Variants in PLA2G5 observed in about 807,000 individuals in gnomAD.
PLA2G5 encodes phospholipase A2 group V.
A neutral mutation model predicts 15.9 loss-of-function variants in PLA2G5; 12 were observed. The observed-to-expected ratio is 0.76, with a 90% CI of 0.48 to 1.23. The LOEUF (loss-of-function observed/expected upper bound fraction) is 1.23. Ranked by LOEUF, PLA2G5 falls within the 50% of genes most tolerant of loss-of-function variation. The pLI is 0.00. For synonymous variants in PLA2G5, 71 were observed against 71.4 expected (o/e 0.99, Z 0.03); for missense variants, 169 against 177.1 (o/e 0.95, Z 0.26).
upstream of PLA2G5, chr1:20,068,851 CCAAT>C (rs565284748): frequency 5.2e-5 from 41 of 787,286 alleles, no homozygotes; most frequent in East Asian, 2.0e-3. Flanking sequence ...GTCTTGTTTT[CCAAT>C]GTGTTGCCTC....
At chr1:20,051,938 C>G (rs1039976934) in intron 1 of PLA2G5, among the ~76,000 whole-genome samples, 4 of 152,146 alleles carry the variant, frequency 2.6e-5, no homozygotes, top group Admixed American at 1.3e-4. Context: ...TATGGCTGGG[C>G]TTGGCTTTAA....
In PLA2G5 at chr1:20,064,217, A is replaced by T. The variant is rs147973604; in HGVS notation, n.337+4525A>T. 3.3e-3 allele frequency among the ~76,000 whole-genome samples: 501 copies of T among 152,288 alleles called. 2 individuals carry two copies. The highest frequency in any genetic ancestry group is 9.2e-3 in the African/African-American group (381 of 41,566). On this transcript the variant is annotated intron_variant and non_coding_transcript_variant, in intron 2 of 6. Transcript: ENST00000460175. ...GGAAACAGACCTTTCAAGATTTTTT[A>T]AAAAAATATAACTACTGGTTAGCAT...
upstream of PLA2G5, among the ~76,000 whole-genome samples, chr1:20,067,989 G>A (rs1310664535): frequency 6.6e-6 from 1 of 151,884 alleles, no homozygotes; most frequent in Non-Finnish European, 1.5e-5. Context: ...CATGGTGACA[G>A]GCCCCCGTAA....
At position 20,089,752 on chromosome 1, in the gene PLA2G5, C is replaced by T. The variant is rs765371756; in HGVS notation, c.186-37C>T. 5 of 1,557,854 alleles carry T rather than the reference C, an allele frequency of 3.2e-6. No homozygotes were observed. In the South Asian group the frequency reaches 3.3e-5, roughly 10 times the overall value. ...ATTAGGGATGGGGTCAGGAGGGCACCCCTCCCACTCGGGATCTAAGTCTCT... is the reference window on the plus strand; with the variant it reads ...ATTAGGGATGGGGTCAGGAGGGCACTCCTCCCACTCGGGATCTAAGTCTCT... On this transcript the variant is annotated intron_variant, in intron 3 of 4. Coordinates refer to ENST00000375108, the MANE Select transcript of PLA2G5 (RefSeq NM_000929.3).
intron 2 of PLA2G5, among the ~76,000 whole-genome samples, chr1:20,063,181 A>G (rs1347925029): frequency 1.3e-5 from 2 of 152,178 alleles, no homozygotes. Context: ...CAACAGAGTG[A>G]GACCACCTCC....
intron 1 of PLA2G5, among the ~76,000 whole-genome samples, chr1:20,040,647 A>T (rs1016917284): frequency 1.3e-5 from 2 of 152,096 alleles, no homozygotes; most frequent in Non-Finnish European, 2.9e-5. Context: ...ATTCATACTG[A>T]TAACTCCAAT....
intron 1 of PLA2G5, among the ~76,000 whole-genome samples, chr1:20,036,876 G>T (rs547888375): frequency 1.3e-5 from 2 of 151,646 alleles, no homozygotes; most frequent in Non-Finnish European, 2.9e-5. Context: ...TGTTGGTCAC[G>T]CTGGTCTCGA....
At chr1:20,056,987 CA>C (rs1395207520) in intron 1 of PLA2G5, among the ~76,000 whole-genome samples, 1 of 152,124 alleles carries the variant, frequency 6.6e-6, no homozygotes, top group Non-Finnish European at 1.5e-5. Flanking sequence ...TCTAGGCTAT[CA>C]AATTTCTGAG....
chr1:20,090,443 C>G, intron 4 of PLA2G5, 125 bp from the exon 5 acceptor site: 2 of 946,558 alleles, frequency 2.1e-6, no homozygotes, highest in Non-Finnish European at 3.3e-6. Context: ...TCTATTCCCC[C>G]GATTTAGGAG....
At chr1:20,028,944 C>T (rs1329558009) in intron 1 of PLA2G5, among the ~76,000 whole-genome samples, 1 of 152,188 alleles carries the variant, frequency 6.6e-6, no homozygotes, top group Non-Finnish European at 1.5e-5. Context: ...TCTGACCCCA[C>T]GACAGTGTCT....
intron 1 of PLA2G5, among the ~76,000 whole-genome samples, chr1:20,075,866 CTCTTTT>C (rs1477786673): frequency 7.7e-6 from 1 of 129,888 alleles, no homozygotes; most frequent in African/African-American, 2.9e-5. Context: ...GGATTTCTTT[CTCTTTT>C]TTTTTTTTTT....
chr1:20,073,792 C>A (rs915732598), intron 1 of PLA2G5, among the ~76,000 whole-genome samples: 6 of 151,938 alleles, frequency 3.9e-5, no homozygotes, highest in Non-Finnish European at 7.4e-5. Context: ...ATCACTTGAA[C>A]CTGAGAGGCG....
chr1:20,034,778 G>C (rs778634328), intron 1 of PLA2G5, among the ~76,000 whole-genome samples: 25 of 152,180 alleles, frequency 1.6e-4, no homozygotes, highest in Non-Finnish European at 3.2e-4. Context: ...AGTGAGGAAA[G>C]GCTGGAGCAG....
At chr1:20,063,150 G>C (rs188662697) in intron 2 of PLA2G5, among the ~76,000 whole-genome samples, 2 of 151,948 alleles carry the variant, frequency 1.3e-5, no homozygotes, top group East Asian at 3.9e-4. Flanking sequence ...CTATGATCAC[G>C]CCACTGTACT....
chr1:20,078,272 A>G (rs2015806599), intron 1 of PLA2G5, among the ~76,000 whole-genome samples: 1 of 152,120 alleles, frequency 6.6e-6, no homozygotes, highest in Non-Finnish European at 1.5e-5. Context: ...AAGGGTTCAG[A>G]GTGGGGGATG....
At chr1:20,047,370 G>A (rs1236423838) in intron 1 of PLA2G5, among the ~76,000 whole-genome samples, 1 of 151,930 alleles carries the variant, frequency 6.6e-6, no homozygotes, top group Non-Finnish European at 1.5e-5. Context: ...AAAAAAAAGT[G>A]GGAAACAAAT....
chr1:20,057,701 G>T (rs1463956580), intron 1 of PLA2G5, among the ~76,000 whole-genome samples: 1 of 152,122 alleles, frequency 6.6e-6, no homozygotes. Context: ...GTTTCACCAT[G>T]TTGGCCAGGC....
chr1:20,078,905 G>A (rs1048357069), intron 1 of PLA2G5, among the ~76,000 whole-genome samples: 3 of 151,858 alleles, frequency 2.0e-5, no homozygotes, highest in Non-Finnish European at 2.9e-5. Flanking sequence ...CCAGGAATTC[G>A]AGACTAGCCT....
At chr1:20,067,914 T>G (rs888279993), upstream of PLA2G5, among the ~76,000 whole-genome samples, 10 of 152,032 alleles carry the variant, frequency 6.6e-5, no homozygotes, top group East Asian at 5.8e-4. Flanking sequence ...AGGTAAGGAG[T>G]TCGTGACCAG....
Sources: allele counts gnomAD v4.1 joint callset (sites outside exome capture counted in the v4.1 genomes callset), GRCh38; gene constraint gnomAD v4.1.1; transcripts MANE v1.5; gene names NCBI Gene and HGNC (gene_info 2026-07-23, HGNC 2026-07-21).